CCDC7: variants seen among roughly 807,000 people sequenced by gnomAD.
The protein encoded by CCDC7 is coiled-coil domain containing 7, also known as coiled-coil domain-containing protein 7.
Under a neutral mutation model 196.9 loss-of-function variants are expected in CCDC7, and 183 were observed. The ratio of observed to expected loss-of-function variants is 0.93; its 90% confidence interval spans 0.82 to 1.05. The LOEUF (loss-of-function observed/expected upper bound fraction) is 1.05, where lower values mean the gene tolerates loss of function less well. Ranked by LOEUF, CCDC7 falls within the 50% of genes least tolerant of loss-of-function variation. The probability of loss-of-function intolerance (pLI) is 0.00; values close to 1 mark genes in which losing one functional copy is unlikely to be tolerated. For synonymous variants in CCDC7, 525 were observed against 484.6 expected, an observed-to-expected ratio of 1.08 and a Z score of -1.10; for missense variants, 1,540 against 1,482.2, an observed-to-expected ratio of 1.04 and a Z score of -0.64.
intron 16 of CCDC7, among the ~76,000 whole-genome samples, chr10:32,578,071 C>T (rs2058396131): frequency 6.6e-6 from 1 of 152,150 alleles, no homozygotes; most frequent in South Asian, 2.1e-4. Flanking sequence ...AAAGATACGG[C>T]AAAATCTAAA....
chr10:32,674,851 C>CT (rs1312776001), intron 21 of CCDC7, among the ~76,000 whole-genome samples: 2 of 151,392 alleles, frequency 1.3e-5, no homozygotes, highest in Non-Finnish European at 3.0e-5. Context: ...GTGTGGTGAC[C>CT]TTTTTTTTGT....
At chr10:32,778,505 T>G (rs1259574307) in intron 28 of CCDC7, among the ~76,000 whole-genome samples, 2 of 152,218 alleles carry the variant, frequency 1.3e-5, no homozygotes, top group Non-Finnish European at 2.9e-5. Context: ...TGTGGCTTTA[T>G]TTCTGGGTTC....
chr10:32,595,150 C>A (rs2060192389), intron 18 of CCDC7, among the ~76,000 whole-genome samples: 1 of 152,106 alleles, frequency 6.6e-6, no homozygotes, highest in Non-Finnish European at 1.5e-5. Context: ...GTACCTCTGG[C>A]AGAATTTGGC....
intron 18 of CCDC7, among the ~76,000 whole-genome samples, chr10:32,598,103 G>T (rs556409743): frequency 6.6e-6 from 1 of 152,208 alleles, no homozygotes; most frequent in Non-Finnish European, 1.5e-5. Flanking sequence ...GCCCTGAGAG[G>T]TGGAGTCTAC....
chr10:32,824,978 G>A (rs542398837), intron 32 of CCDC7, among the ~76,000 whole-genome samples: 2 of 152,218 alleles, frequency 1.3e-5, no homozygotes, highest in East Asian at 1.9e-4. Context: ...TGATTTCATC[G>A]GTTACCCATT....
At chr10:32,554,298 C>A (rs2053994867) in intron 13 of CCDC7, among the ~76,000 whole-genome samples, 1 of 152,234 alleles carries the variant, frequency 6.6e-6, no homozygotes. Context: ...GGAGTCTGCA[C>A]ACCAGATTTG....
At chr10:32,498,010 A>G (rs781089520) in intron 9 of CCDC7, among the ~76,000 whole-genome samples, 1 of 152,158 alleles carries the variant, frequency 6.6e-6, no homozygotes, top group Non-Finnish European at 1.5e-5. Context: ...GTCTCCCACA[A>G]TAATTGTGTG....
intron 21 of CCDC7, among the ~76,000 whole-genome samples, chr10:32,665,503 G>A (rs1432217736): frequency 1.3e-5 from 2 of 151,976 alleles, no homozygotes; most frequent in Admixed American, 6.6e-5. Context: ...TGAGATGAAG[G>A]TATAATTTTA....
intron 18 of CCDC7, among the ~76,000 whole-genome samples, chr10:32,600,605 G>A (rs1007540828): frequency 6.6e-6 from 1 of 151,990 alleles, no homozygotes; most frequent in African/African-American, 2.4e-5. Context: ...AATTTTAATA[G>A]CCTAGAGAAC....
At chr10:32,561,740 A>G (rs1251900328) in intron 13 of CCDC7, among the ~76,000 whole-genome samples, 1 of 152,232 alleles carries the variant, frequency 6.6e-6, no homozygotes, top group African/African-American at 2.4e-5. Flanking sequence ...AATTAAAAGA[A>G]CTAGAAAAGC....
intron 29 of CCDC7, among the ~76,000 whole-genome samples, chr10:32,786,222 C>T (rs192705778): frequency 9.2e-5 from 14 of 152,142 alleles, no homozygotes; most frequent in Middle Eastern, 3.4e-3. Context: ...AAATGATTTG[C>T]GAATACCTAA....
intron 18 of CCDC7, among the ~76,000 whole-genome samples, chr10:32,589,886 G>A (rs1357979054): frequency 2.0e-5 from 3 of 151,576 alleles, no homozygotes; most frequent in Non-Finnish European, 1.5e-5. Context: ...TGATTTTTTT[G>A]GTTTCCATTT....
chr10:32,509,438 C>T (rs557140759), intron 9 of CCDC7, among the ~76,000 whole-genome samples: 11 of 150,916 alleles, frequency 7.3e-5, no homozygotes, highest in South Asian at 4.2e-4. Flanking sequence ...GAGCTGAAAC[C>T]GTAAAACTCC....
intron 20 of CCDC7, among the ~76,000 whole-genome samples, chr10:32,661,063 C>T (rs77249546): frequency 4.7e-5 from 7 of 147,874 alleles, no homozygotes; most frequent in African/African-American, 1.0e-4. Flanking sequence ...AGAAAATTTT[C>T]ACAACCTACT....
At chr10:32,824,541 A>G in exon 32 of CCDC7, 1 of 1,611,634 alleles carries the variant, frequency 6.2e-7, no homozygotes, top group Non-Finnish European at 8.5e-7. Flanking sequence ...ATTGCATAGT[A>G]CAACTGAGAG....
chr10:32,699,413 A>G (rs1025217392), intron 24 of CCDC7, among the ~76,000 whole-genome samples: 18 of 151,840 alleles, frequency 1.2e-4, no homozygotes, highest in African/African-American at 2.4e-4. Context: ...ATAGTATTCC[A>G]TGGTGTATAT....
intron 11 of CCDC7, among the ~76,000 whole-genome samples, chr10:32,535,497 C>T (rs1319359929): frequency 6.6e-6 from 1 of 151,978 alleles, no homozygotes; most frequent in Non-Finnish European, 1.5e-5. Flanking sequence ...AGGAAGGATG[C>T]GTGTGTGGGG....
At chr10:32,658,760 A>C (rs903356258) in intron 20 of CCDC7, among the ~76,000 whole-genome samples, 5 of 152,240 alleles carry the variant, frequency 3.3e-5, no homozygotes, top group Non-Finnish European at 5.9e-5. Flanking sequence ...AGGCCCATAA[A>C]GACATATATT....
chr10:32,726,750 T>C (rs1323295090), exon 26 of CCDC7: 10 of 1,594,006 alleles, frequency 6.3e-6, no homozygotes. Flanking sequence ...ATAAAAATTC[T>C]ATGTTTGTTC....
Sources: allele counts gnomAD v4.1 joint callset (sites outside exome capture counted in the v4.1 genomes callset), GRCh38; gene constraint gnomAD v4.1.1; transcripts MANE v1.5; gene names NCBI Gene and HGNC (gene_info 2026-07-23, HGNC 2026-07-21).